Variants in GRM8 observed in about 807,000 individuals in gnomAD.
GRM8 encodes metabotropic glutamate receptor 8.
A neutral mutation model predicts 87.2 loss-of-function variants in GRM8; 47 were observed. The observed-to-expected ratio is 0.54, with a 90% CI of 0.43 to 0.69. GRM8 has a LOEUF of 0.69. Among genes scored for constraint, GRM8 ranks in the 30% least tolerant of loss-of-function variants. The pLI is 0.00. For missense variants in GRM8, 1,019 were observed against 1,139.2 expected (o/e 0.89, Z 1.52); for synonymous variants, 396 against 404.5 (o/e 0.98, Z 0.25).
At chr7:126,986,992 C>T (rs907172354) in intron 3 of GRM8, among the ~76,000 whole-genome samples, 6 of 152,050 alleles carry the variant, frequency 3.9e-5, no homozygotes, top group African/African-American at 1.4e-4. Flanking sequence ...GGGAAAACTG[C>T]GCGTAAAAGA....
At chr7:126,714,097 C>A (rs1480423192) in intron 7 of GRM8, among the ~76,000 whole-genome samples, 4 of 149,804 alleles carry the variant, frequency 2.7e-5, no homozygotes, top group Non-Finnish European at 5.9e-5. Flanking sequence ...CATTGTGAAA[C>A]CTCATCTTTA....
At chr7:126,948,084 G>A (rs761370290) in intron 3 of GRM8, among the ~76,000 whole-genome samples, 4 of 152,130 alleles carry the variant, frequency 2.6e-5, no homozygotes, top group African/African-American at 7.2e-5. Context: ...TATGCTAGGC[G>A]CTAGGGATGC....
At chr7:127,189,351 G>A (rs1794900901) in intron 2 of GRM8, among the ~76,000 whole-genome samples, 1 of 152,160 alleles carries the variant, frequency 6.6e-6, no homozygotes, top group African/African-American at 2.4e-5. Flanking sequence ...ACTGGCCAGA[G>A]GGGGATGGGC....
chr7:126,731,523 C>T (rs911306907), intron 7 of GRM8, among the ~76,000 whole-genome samples: 8 of 152,030 alleles, frequency 5.3e-5, no homozygotes, highest in African/African-American at 1.9e-4. Flanking sequence ...AAAGTACCTA[C>T]CAGAAACTGA....
At chr7:127,090,703 C>T (rs1398442637) in intron 3 of GRM8, among the ~76,000 whole-genome samples, 1 of 140,782 alleles carries the variant, frequency 7.1e-6, no homozygotes, top group Non-Finnish European at 1.5e-5. Context: ...TTCCCATGTG[C>T]CCTCCGGTTG....
intron 6 of GRM8, among the ~76,000 whole-genome samples, chr7:126,850,167 C>A (rs1262662461): frequency 6.6e-6 from 1 of 152,188 alleles, no homozygotes; most frequent in Non-Finnish European, 1.5e-5. Context: ...AGTTGCCAAA[C>A]CGGCTCTCAG....
At chr7:126,642,362 G>A in intron 7 of GRM8, among the ~76,000 whole-genome samples, 1 of 152,266 alleles carries the variant, frequency 6.6e-6, no homozygotes, top group East Asian at 1.9e-4. Flanking sequence ...CTGTAGGCCA[G>A]GGGCGGTGGT....
At chr7:126,499,734 A>G (rs1809352415) in intron 9 of GRM8, among the ~76,000 whole-genome samples, 1 of 151,962 alleles carries the variant, frequency 6.6e-6, no homozygotes, top group Admixed American at 6.6e-5. Flanking sequence ...AAAACGTCAT[A>G]GAAGACAATC....
chr7:126,810,492 T>C (rs1563208804), intron 6 of GRM8, among the ~76,000 whole-genome samples: 1 of 152,134 alleles, frequency 6.6e-6, no homozygotes, highest in Non-Finnish European at 1.5e-5. Flanking sequence ...GCTGCAAAAA[T>C]TGTCAATGCT....
At chr7:127,212,422 T>TTA (rs1563582074) in intron 2 of GRM8, among the ~76,000 whole-genome samples, 1 of 94,022 alleles carries the variant, frequency 1.1e-5, no homozygotes, top group Non-Finnish European at 2.8e-5. Flanking sequence ...TTTTTTTTTT[T>TTA]TTTTTTTTTT....
At chr7:127,167,343 G>A (rs1417046142) in intron 2 of GRM8, among the ~76,000 whole-genome samples, 3 of 152,098 alleles carry the variant, frequency 2.0e-5, no homozygotes, top group African/African-American at 7.2e-5. Flanking sequence ...AATTGTTGTG[G>A]TTACTGTTGG....
At chr7:126,700,448 A>C (rs1377449679) in intron 7 of GRM8, among the ~76,000 whole-genome samples, 1 of 152,198 alleles carries the variant, frequency 6.6e-6, no homozygotes, top group Non-Finnish European at 1.5e-5. Flanking sequence ...ATCTCACTTT[A>C]AAATATTTCC....
At position 126,600,460 on chromosome 7, in the gene GRM8, T is replaced by C. The variant is rs868025546; in HGVS notation, c.1494+8902A>G. On this transcript the variant is annotated intron_variant, in intron 8 of 10. Transcript: ENST00000339582. ...CTGAAACCAATTCCCCATATCTACA[T>C]AGGGATGACTGTATATCTTATACTG... is the stretch of plus-strand genomic sequence containing the variant. 1.2e-4 allele frequency among the ~76,000 whole-genome samples: 19 copies of C among 152,146 alleles called. 1 individual carries two copies. The highest frequency in any genetic ancestry group is 4.6e-4 in the African/African-American group (19 of 41,452).
At chr7:127,177,617 C>T (rs1289160130) in intron 2 of GRM8, among the ~76,000 whole-genome samples, 1 of 152,206 alleles carries the variant, frequency 6.6e-6, no homozygotes, top group African/African-American at 2.4e-5. Context: ...GCCACCTCCA[C>T]CTGAACAAGC....
chr7:127,107,293 T>G (rs531955968), intron 2 of GRM8, among the ~76,000 whole-genome samples: 1 of 152,238 alleles, frequency 6.6e-6, no homozygotes, highest in East Asian at 1.9e-4. Flanking sequence ...ATTTGAGAAT[T>G]GCCAGCAGCC....
intron 3 of GRM8, among the ~76,000 whole-genome samples, chr7:126,986,199 T>G (rs1812050334): frequency 6.6e-6 from 1 of 152,036 alleles, no homozygotes; most frequent in Non-Finnish European, 1.5e-5. Flanking sequence ...AAACATTTTT[T>G]GTAGAGACAG....
chr7:126,904,813 C>T, intron 3 of GRM8, 130 bp from the exon 4 acceptor site: 1 of 756,584 alleles, frequency 1.3e-6, no homozygotes, highest in Non-Finnish European at 2.2e-6. Context: ...TCACTCTCAC[C>T]TATTAAGAGC....
intron 2 of GRM8, among the ~76,000 whole-genome samples, chr7:127,166,375 C>T (rs1793453812): frequency 6.6e-6 from 1 of 152,130 alleles, no homozygotes; most frequent in Non-Finnish European, 1.5e-5. Flanking sequence ...AAGGAATTCA[C>T]TTAAGCCACA....
At chr7:127,142,164 G>A (rs916517109) in intron 2 of GRM8, among the ~76,000 whole-genome samples, 2 of 151,938 alleles carry the variant, frequency 1.3e-5, no homozygotes, top group Non-Finnish European at 2.9e-5. Flanking sequence ...ATTTTGTAGA[G>A]ATGGGGTCTC....
Sources: allele counts gnomAD v4.1 joint callset (sites outside exome capture counted in the v4.1 genomes callset), GRCh38; gene constraint gnomAD v4.1.1; transcripts MANE v1.5; gene names NCBI Gene and HGNC (gene_info 2026-07-23, HGNC 2026-07-21).